Variants in PRDM5 observed in about 807,000 individuals in gnomAD.
PRDM5 encodes the protein PR/SET domain 5, also known as PR domain zinc finger protein 5.
A neutral mutation model predicts 81.2 loss-of-function variants in PRDM5; 56 were observed. The ratio of observed to expected loss-of-function variants is 0.69; its 90% CI spans 0.56 to 0.86. The LOEUF is 0.86. Among genes scored for constraint, PRDM5 ranks in the 40% least tolerant of loss-of-function variants. PRDM5 has a pLI of 0.00. For missense variants in PRDM5, 697 were observed against 770.1 expected, an observed-to-expected ratio of 0.91 and a Z score of 1.12; for synonymous variants, 267 against 256.4, an observed-to-expected ratio of 1.04 and a Z score of -0.39.
At position 120,919,063 on chromosome 4, in the gene PRDM5, C is replaced by T. The variant is rs115308878; in HGVS notation, c.93+3453G>A. ...CAGGCTGGCTCTCTGCACTTCTCTT[C>T]CTAGAGAATCTCCTGGCTGGCTCAG... On this transcript the variant is annotated intron_variant, in intron 1 of 15. Transcript: ENST00000264808. 2.9e-3 allele frequency among the ~76,000 whole-genome samples: 443 copies of T among 152,276 alleles called. 2 individuals are homozygous for T. Among genetic ancestry groups the T allele is most frequent in the African/African-American group, 0.01 (424 of 41,538 alleles).
intron 2 of PRDM5, chr4:120,895,671 G>A (rs559539591): frequency 2.0e-5 from 3 of 152,088 alleles, no homozygotes; most frequent in Non-Finnish European, 4.4e-5. Flanking sequence ...GCCAATCTGC[G>A]CTTTAATAGC....
At chr4:120,836,687 C>T (rs1019898804) in intron 3 of PRDM5, among the ~76,000 whole-genome samples, 1 of 152,068 alleles carries the variant, frequency 6.6e-6, no homozygotes, top group Non-Finnish European at 1.5e-5. Context: ...GATTATTATG[C>T]TCATCATCTC....
chr4:120,751,587 A>G (rs1319307565), intron 14 of PRDM5, among the ~76,000 whole-genome samples: 2 of 152,230 alleles, frequency 1.3e-5, no homozygotes, highest in African/African-American at 4.8e-5. Flanking sequence ...GAAAAACACA[A>G]CTAGGTACAA....
chr4:120,872,833 G>C (rs1761971012), intron 2 of PRDM5, among the ~76,000 whole-genome samples: 1 of 152,068 alleles, frequency 6.6e-6, no homozygotes, highest in Admixed American at 6.5e-5. Context: ...GGGGGTAGTG[G>C]GGAGGTGAGA....
intron 3 of PRDM5, among the ~76,000 whole-genome samples, chr4:120,842,279 G>C (rs904466678): frequency 6.6e-6 from 1 of 152,192 alleles, no homozygotes; most frequent in Non-Finnish European, 1.5e-5. Flanking sequence ...GAGTAAAAAT[G>C]TGACACTTTG....
intron 2 of PRDM5, among the ~76,000 whole-genome samples, chr4:120,860,946 G>A (rs1173268382): frequency 2.6e-5 from 4 of 152,128 alleles, no homozygotes; most frequent in African/African-American, 9.7e-5. Context: ...CCTTAGCGTT[G>A]CCCAATTTTT....
chr4:120,741,007 C>T (rs962510495), intron 14 of PRDM5, among the ~76,000 whole-genome samples: 3 of 152,084 alleles, frequency 2.0e-5, no homozygotes, highest in African/African-American at 4.8e-5. Context: ...TCTGGCCTGC[C>T]CTCTACCATA....
intron 2 of PRDM5, among the ~76,000 whole-genome samples, chr4:120,897,629 C>A (rs547315900): frequency 3.3e-5 from 5 of 152,294 alleles, no homozygotes; most frequent in Admixed American, 6.5e-5. Flanking sequence ...TTCACTGTCT[C>A]ACATATCAGT....
chr4:120,851,468 G>GA (rs1252073835), intron 3 of PRDM5, among the ~76,000 whole-genome samples: 1,672 of 115,640 alleles, frequency 0.014, 49 homozygotes, highest in Admixed American at 0.087. Flanking sequence ...TGTTGAAAAA[G>GA]AAAAAAAAAA....
At chr4:120,917,189 G>A (rs1724277913) in intron 1 of PRDM5, among the ~76,000 whole-genome samples, 1 of 152,100 alleles carries the variant, frequency 6.6e-6, no homozygotes, top group Non-Finnish European at 1.5e-5. Context: ...TGACCTCCTT[G>A]TGCTTGGACC....
chr4:120,862,465 G>A (rs982816869), intron 2 of PRDM5, among the ~76,000 whole-genome samples: 1 of 152,200 alleles, frequency 6.6e-6, no homozygotes, highest in Non-Finnish European at 1.5e-5. Flanking sequence ...GCCAAGTCCT[G>A]AGGATGGACC....
intron 14 of PRDM5, among the ~76,000 whole-genome samples, chr4:120,719,448 T>C (rs926834840): frequency 1.3e-5 from 2 of 152,228 alleles, no homozygotes; most frequent in Non-Finnish European, 2.9e-5. Flanking sequence ...TTATTTATCA[T>C]AGACCAGAAA....
intron 3 of PRDM5, chr4:120,838,578 T>C (rs1308840357): frequency 6.6e-6 from 1 of 152,224 alleles, no homozygotes; most frequent in African/African-American, 2.4e-5. Flanking sequence ...TGGACAGGGA[T>C]GGGGCTGGGG....
intron 12 of PRDM5, among the ~76,000 whole-genome samples, chr4:120,778,799 A>G (rs1243296003): frequency 6.6e-6 from 1 of 152,160 alleles, no homozygotes; most frequent in Non-Finnish European, 1.5e-5. Context: ...TGATATACAA[A>G]ATAGTTATTT....
intron 3 of PRDM5, among the ~76,000 whole-genome samples, chr4:120,852,910 C>A (rs1265651872): frequency 6.6e-6 from 1 of 150,800 alleles, no homozygotes; most frequent in Non-Finnish European, 1.5e-5. Flanking sequence ...AGTGATCCTA[C>A]CACCTTAGCC....
At chr4:120,783,041 A>G (rs1275696928) in intron 11 of PRDM5, among the ~76,000 whole-genome samples, 1 of 152,106 alleles carries the variant, frequency 6.6e-6, no homozygotes. Context: ...GGTTTTCAAC[A>G]TATTGGGAAA....
chr4:120,707,366 GA>G (rs1174144259), intron 15 of PRDM5, among the ~76,000 whole-genome samples: 1 of 151,692 alleles, frequency 6.6e-6, no homozygotes, highest in Non-Finnish European at 1.5e-5. Flanking sequence ...AAAGGTATCT[GA>G]AAAACTCCAA....
At chr4:120,868,124 G>A (rs1387298070) in intron 2 of PRDM5, among the ~76,000 whole-genome samples, 3 of 152,008 alleles carry the variant, frequency 2.0e-5, no homozygotes, top group African/African-American at 7.2e-5. Flanking sequence ...CCTTTAATGG[G>A]TCTCTCCTAT....
At position 120,853,511 on chromosome 4, in the gene PRDM5, G is replaced by A. The variant is rs189799619; in HGVS notation, c.207C>T (p.Tyr69=). 14 of 1,613,738 alleles carry A rather than the reference G, an allele frequency of 8.7e-6. No individual in the cohort carries two copies. In the African/African-American group the frequency reaches 1.5e-4, roughly 17 times the overall value. ...EVRGSKGEVL[Y]ILDATNPRHS... ...GCCGTGGGTTGGTAGCATCCAAAAT[G>A]TACAAAACTTCTCCCTTACTCCCAC... is the stretch of plus-strand genomic sequence containing the variant. The change falls in exon 3 of 16, where the codon TAC becomes TAT. Residue 69 remains tyrosine (Y), a synonymous_variant. Coordinates refer to ENST00000264808, the MANE Select transcript of PRDM5 (RefSeq NM_018699.4).
Sources: allele counts gnomAD v4.1 joint callset (sites outside exome capture counted in the v4.1 genomes callset), GRCh38; gene constraint gnomAD v4.1.1; transcripts MANE v1.5; gene names NCBI Gene and HGNC (gene_info 2026-07-23, HGNC 2026-07-21).